Variants in GPC6 observed in about 807,000 individuals in gnomAD.
GPC6 encodes the protein glypican 6.
A neutral mutation model predicts 55.2 loss-of-function variants in GPC6; 14 were observed. That is an observed-to-expected ratio of 0.25 (90% CI 0.17 to 0.40). The LOEUF (loss-of-function observed/expected upper bound fraction) is 0.40, where lower values mean the gene tolerates loss of function less well. GPC6 is among the 10% of genes least tolerant of loss of function. GPC6 has a pLI of 1.00. For synonymous variants in GPC6, 278 were observed against 259.6 expected (o/e 1.07, Z -0.68); for missense variants, 641 against 708.5 (o/e 0.90, Z 1.08).
chr13:93,745,072 C>T (rs780570978), intron 2 of GPC6, among the ~76,000 whole-genome samples: 8 of 152,144 alleles, frequency 5.3e-5, no homozygotes, highest in Non-Finnish European at 8.8e-5. Flanking sequence ...AGTCAGTTCC[C>T]CAGGCTCACA....
chr13:93,444,765 C>T (rs1456697711), intron 1 of GPC6, among the ~76,000 whole-genome samples: 1 of 152,200 alleles, frequency 6.6e-6, no homozygotes, highest in African/African-American at 2.4e-5. Flanking sequence ...GTGGTTCTGA[C>T]AGCCAACATA....
intron 4 of GPC6, among the ~76,000 whole-genome samples, chr13:94,150,292 TGCA>T (rs1887692880): frequency 6.6e-6 from 1 of 152,130 alleles, no homozygotes; most frequent in Non-Finnish European, 1.5e-5. Context: ...CCTGTATTAT[TGCA>T]GCAAGGACTG....
At chr13:93,502,086 C>G (rs930784816) in intron 1 of GPC6, among the ~76,000 whole-genome samples, 1 of 152,034 alleles carries the variant, frequency 6.6e-6, no homozygotes, top group African/African-American at 2.4e-5. Flanking sequence ...AATCTTCAGG[C>G]TTTCTGTATA....
intron 2 of GPC6, among the ~76,000 whole-genome samples, chr13:93,705,196 T>G (rs1702419943): frequency 6.6e-6 from 1 of 151,980 alleles, no homozygotes; most frequent in African/African-American, 2.4e-5. Flanking sequence ...CTATATCATG[T>G]TGTCCATACA....
chr13:93,308,741 T>C (rs939640407), intron 1 of GPC6, among the ~76,000 whole-genome samples: 3 of 152,252 alleles, frequency 2.0e-5, no homozygotes, highest in Non-Finnish European at 4.4e-5. Flanking sequence ...TGCACTGGGC[T>C]GTCATGGGTA....
intron 4 of GPC6, among the ~76,000 whole-genome samples, chr13:94,185,226 C>G (rs1889131079): frequency 1.6e-5 from 2 of 127,322 alleles, no homozygotes; most frequent in East Asian, 2.5e-4. Context: ...ACCCATGTGA[C>G]AAACTTGCAC....
intron 2 of GPC6, among the ~76,000 whole-genome samples, chr13:93,712,682 G>GT (rs986369703): frequency 1.9e-4 from 28 of 151,186 alleles, no homozygotes; most frequent in Admixed American, 1.1e-3. Flanking sequence ...ATTTTGTCCT[G>GT]TTTTTTTTCT....
chr13:93,854,770 C>A (rs1451320186), intron 3 of GPC6, among the ~76,000 whole-genome samples: 1 of 151,642 alleles, frequency 6.6e-6, no homozygotes, highest in Non-Finnish European at 1.5e-5. Context: ...AAATTTACAA[C>A]AATGAACTTT....
chr13:94,255,977 C>A (rs1891489877), intron 4 of GPC6, among the ~76,000 whole-genome samples: 1 of 152,050 alleles, frequency 6.6e-6, no homozygotes, highest in African/African-American at 2.4e-5. Flanking sequence ...TCACAGGTCC[C>A]ATCGCAGATC....
intron 2 of GPC6, among the ~76,000 whole-genome samples, chr13:93,820,391 G>T (rs538561518): frequency 1.3e-5 from 2 of 151,834 alleles, no homozygotes; most frequent in African/African-American, 4.8e-5. Flanking sequence ...TACACATTGA[G>T]AGTAATATAA....
At chr13:93,674,690 T>C (rs930491646) in intron 2 of GPC6, among the ~76,000 whole-genome samples, 1 of 152,224 alleles carries the variant, frequency 6.6e-6, no homozygotes, top group African/African-American at 2.4e-5. Context: ...GAGACATACA[T>C]GCTGATTTAG....
At chr13:94,242,164 C>T (rs180713516) in intron 4 of GPC6, among the ~76,000 whole-genome samples, 36 of 151,854 alleles carry the variant, frequency 2.4e-4, no homozygotes, top group Middle Eastern at 6.8e-3. Flanking sequence ...TGAGAACATG[C>T]GGTGTTTGGT....
intron 1 of GPC6, among the ~76,000 whole-genome samples, chr13:93,327,926 G>A (rs2139132417): frequency 6.6e-6 from 1 of 152,128 alleles, no homozygotes; most frequent in African/African-American, 2.4e-5. Context: ...GACACTCTCT[G>A]TAGAACTGAC....
intron 1 of GPC6, among the ~76,000 whole-genome samples, chr13:93,540,197 A>C (rs1594248056): frequency 6.6e-6 from 1 of 152,152 alleles, no homozygotes; most frequent in Non-Finnish European, 1.5e-5. Flanking sequence ...CATTCTTCAC[A>C]GCTACCCTCT....
intron 4 of GPC6, among the ~76,000 whole-genome samples, chr13:94,107,760 A>G (rs1886109002): frequency 6.6e-6 from 1 of 152,112 alleles, no homozygotes; most frequent in African/African-American, 2.4e-5. Flanking sequence ...AAGAAGATAC[A>G]CAAATGACCA....
chr13:93,370,085 C>T (rs1166965411), intron 1 of GPC6, among the ~76,000 whole-genome samples: 2 of 152,068 alleles, frequency 1.3e-5, no homozygotes. Context: ...TGGGTAGATG[C>T]CTTTAAATTG....
At chr13:94,288,844 A>T (rs1349750438) in intron 5 of GPC6, among the ~76,000 whole-genome samples, 1 of 97,950 alleles carries the variant, frequency 1.0e-5, no homozygotes, top group Non-Finnish European at 2.1e-5. Flanking sequence ...ATATATAACA[A>T]ATATATATAA....
intron 4 of GPC6, among the ~76,000 whole-genome samples, chr13:94,244,802 G>A (rs1046375945): frequency 1.3e-5 from 2 of 152,066 alleles, no homozygotes; most frequent in African/African-American, 4.8e-5. Context: ...AGAGGGGGAT[G>A]TAGGGAATGT....
At chr13:94,088,955 A>G (rs1594726855) in intron 4 of GPC6, among the ~76,000 whole-genome samples, 2 of 152,230 alleles carry the variant, frequency 1.3e-5, no homozygotes, top group East Asian at 3.9e-4. Context: ...GTAATTGATG[A>G]GATTATCGGG....
Sources: gnomAD v4.1 joint callset for allele counts (sites outside exome capture counted in the v4.1 genomes callset) on GRCh38, gnomAD v4.1.1 for gene constraint, MANE v1.5 for transcripts, NCBI Gene and HGNC (gene_info 2026-07-23, HGNC 2026-07-21) for gene names.